IRX3: variants seen among roughly 807,000 people sequenced by gnomAD.
IRX3 encodes iroquois homeobox 3.
In IRX3, 20 loss-of-function variants were observed where a neutral mutation model predicts 36.4. That is an observed-to-expected ratio of 0.55 (90% CI 0.39 to 0.80). The LOEUF (loss-of-function observed/expected upper bound fraction) is 0.80. Ranked by LOEUF, IRX3 falls within the 30% of genes least tolerant of loss-of-function variation. IRX3 has a pLI of 0.00. For synonymous variants in IRX3, 404 were observed against 351.6 expected, an observed-to-expected ratio of 1.15 and a Z score of -1.67; for missense variants, 718 against 733.2, an observed-to-expected ratio of 0.98 and a Z score of 0.24.
Position 54,284,411 on chromosome 16 carries a change from C to A in IRX3, c.1384+86G>T. 6.9e-7 allele frequency: 1 copy of A among 1,440,656 alleles called. No individual in the cohort carries two copies. Among genetic ancestry groups the A allele is most frequent in the South Asian group, 1.5e-5 (1 of 67,300 alleles). 89.2% of individuals were successfully genotyped at this position (1,440,656 alleles called of 1,614,324 possible). A position where few individuals can be genotyped will look rare whatever the true frequency, so the allele number is the denominator to read the frequency against. On this transcript the variant is annotated intron_variant, in intron 2 of 3. Coordinates refer to ENST00000329734, the MANE Select transcript of IRX3 (RefSeq NM_024336.3). The surrounding 1 kb of genome is among the most constrained non-coding windows in gnomAD (Gnocchi z 4.0). ...GGAGTGGAGAGGGACGCGCGCCCTG[C>A]GCCCCCCGGGCCCTGCCCCTCCCGG...
chr16:54,285,275 C>T lies in IRX3; in HGVS notation c.606G>A (p.Glu202=). The T allele has an allele frequency of 6.2e-7, 1 of 1,614,108 alleles. No individual in the cohort carries two copies. The highest frequency in any genetic ancestry group is 8.5e-7 in the Non-Finnish European group (1 of 1,180,024). The change falls in exon 2 of 4, where the codon GAG becomes GAA. Residue 202 remains glutamate (E), a synonymous_variant. Transcript: ENST00000329734. This position sits in a 1 kb window ranked among gnomAD's most constrained non-coding sequence, Gnocchi z 5.7. ...TWAPRSRTDE[E]GNAYGSEREE... ...CGCGCTCGCTCCCATAAGCGTTTCCCTCCTCGTCAGTGCGGCTGCGAGGCG... is the reference window on the plus strand; with the variant it reads ...CGCGCTCGCTCCCATAAGCGTTTCCTTCCTCGTCAGTGCGGCTGCGAGGCG...
Position 54,283,794 on chromosome 16 carries a change from C to A in IRX3, c.1452-54G>T, listed in dbSNP as rs147595780. 4.8e-5 allele frequency: 77 copies of A among 1,601,608 alleles called. No homozygotes were observed. In the African/African-American group the frequency reaches 9.4e-4, roughly 20 times the overall value. ...GAGGTGAGATTCAGGAGCGCAGAGG[C>A]TGCCTAGGGCGGGGAGATCCTACTT... is the stretch of plus-strand genomic sequence containing the variant. On this transcript the variant is annotated intron_variant, in intron 3 of 3. Coordinates refer to ENST00000329734, the MANE Select transcript of IRX3 (RefSeq NM_024336.3). The surrounding 1 kb of genome is among the most constrained non-coding windows in gnomAD (Gnocchi z 4.4).
chr16:54,286,586 C>T lies in IRX3; in HGVS notation c.-536G>A, dbSNP rs1266217098. On this transcript the variant is annotated 5_prime_UTR_variant, in exon 1 of 4. Transcript: ENST00000329734. ...TCCTTTCTCCTCTCCCCTTCTCTTT[C>T]CCTTTCTCACGAGGGCTTTTGCTCT... 1.2e-5 allele frequency: 2 copies of T among 160,834 alleles called. No homozygotes were observed. The highest frequency in any genetic ancestry group is 2.6e-5 in the Non-Finnish European group (2 of 75,778). The allele number at this position is 160,834 out of a possible 1,614,324, so 10.0% of individuals were successfully genotyped here.
At position 54,284,725 on chromosome 16, in the gene IRX3, A is replaced by G; in HGVS notation, c.1156T>C (p.Ser386Pro). 4.9e-6 allele frequency: 7 copies of G among 1,433,106 alleles called. No individual in the cohort carries two copies. The highest frequency in any genetic ancestry group is 6.3e-6 in the Non-Finnish European group (7 of 1,106,166). The allele number at this position is 1,433,106 out of a possible 1,614,324, so 88.8% of individuals were successfully genotyped here. ...GCGGCGGCGGCGGCGGCGGCCGGAG[A>G]GAGCTGCAGGGCGGAAGGCGCGACC... ...AAVAPSALQL[S>P]PAAAAAAAHR... Residue 386 changes from serine to proline, a missense_variant, in exon 2 of 4, where the codon TCT becomes CCT. Transcript: ENST00000329734. The surrounding 1 kb of genome is among the most constrained non-coding windows in gnomAD (Gnocchi z 4.0).
chr16:54,285,993 G>A lies in IRX3; in HGVS notation c.58C>T (p.Pro20Ser). The A allele has an allele frequency of 7.4e-7, 1 of 1,358,082 alleles. No individual in the cohort carries two copies. The highest frequency in any genetic ancestry group is 3.1e-5 in the East Asian group (1 of 31,746). The allele number at this position is 1,358,082 out of a possible 1,614,324, so 84.1% of individuals were successfully genotyped here. A position where few individuals can be genotyped will look rare whatever the true frequency, so the allele number is the denominator to read the frequency against. The change falls in exon 1 of 4, where the codon CCG becomes TCG. Residue 20 changes from proline to serine, a missense_variant. Pro to Ser is a moderately conservative substitution (Grantham distance 74). Coordinates refer to ENST00000329734, the MANE Select transcript of IRX3 (RefSeq NM_024336.3). The surrounding 1 kb of genome is among the most constrained non-coding windows in gnomAD (Gnocchi z 5.7). ...CCGCCGCTGCCGCCAGCGGCCCCCGGGCGCTCGGACGGGTAAAGCGGGCGG... is the reference window on the plus strand; with the variant it reads ...CCGCCGCTGCCGCCAGCGGCCCCCGAGCGCTCGGACGGGTAAAGCGGGCGG... ...YIRPLYPSER[P>S]GAAGGSGGSA...
At position 54,284,546 on chromosome 16, in the gene IRX3, C is replaced by A. The variant is rs377057907; in HGVS notation, c.1335G>T (p.Pro445=). 5 of 1,417,884 alleles carry A rather than the reference C, an allele frequency of 3.5e-6. No homozygotes were observed. Among genetic ancestry groups the A allele is most frequent in the South Asian group, 1.5e-5 (1 of 65,574 alleles). 87.8% of individuals were successfully genotyped at this position (1,417,884 alleles called of 1,614,324 possible). A position where few individuals can be genotyped will look rare whatever the true frequency, so the allele number is the denominator to read the frequency against. Residue 445 remains proline (P), a synonymous_variant, in exon 2 of 4, where the codon CCG becomes CCT. Coordinates refer to ENST00000329734, the MANE Select transcript of IRX3 (RefSeq NM_024336.3). The surrounding 1 kb of genome is among the most constrained non-coding windows in gnomAD (Gnocchi z 4.0). ...GCCGAGCGAAGGCGGCGGCGGCAGC[C>A]GGGTGGCCCGCGGCTCCGGGAAGTC... is the stretch of plus-strand genomic sequence containing the variant. ...LLGLPGAAGH[P]AAAAAFARPA...
rs1250352324 is a variant in IRX3 at position 54,285,898 on chromosome 16, G to T, written c.153C>A (p.Asn51Lys). ...GCGCCCCGTACACGGACGAGAGCAC[G>T]TTGGACAGGGACCCCGAGGCGTTCA... ...SELNASGSLS[N>K]VLSSVYGAPY... The change falls in exon 1 of 4, where the codon AAC becomes AAA. Residue 51 changes from asparagine to lysine, a missense_variant. Transcript: ENST00000329734. The surrounding 1 kb of genome is among the most constrained non-coding windows in gnomAD (Gnocchi z 5.7). 1 of 1,533,168 alleles carries T rather than the reference G, an allele frequency of 6.5e-7. No individual in the cohort carries two copies. Among genetic ancestry groups the T allele is most frequent in the Non-Finnish European group, 8.8e-7 (1 of 1,140,872 alleles). 95.0% of individuals were successfully genotyped at this position (1,533,168 alleles called of 1,614,324 possible).
Position 54,285,951 on chromosome 16 carries a change from C to A in IRX3, c.100G>T (p.Gly34Cys), listed in dbSNP as rs1901326214. 2.1e-6 allele frequency: 3 copies of A among 1,425,814 alleles called. No individual in the cohort carries two copies. Among genetic ancestry groups the A allele is most frequent in the East Asian group, 3.0e-5 (1 of 32,898 alleles). The allele number at this position is 1,425,814 out of a possible 1,614,324, so 88.3% of individuals were successfully genotyped here. ...GGSGGSAGARGGLGAGASELN... is the reference protein window; with the variant it reads ...GGSGGSAGARCGLGAGASELN... Reference sequence around the variant, plus strand: ...TCCGAGGCTCCGGCACCCAGGCCGCCCCGGGCCCCCGCGCTGCCGCCGCTG... The same window carrying A: ...TCCGAGGCTCCGGCACCCAGGCCGCACCGGGCCCCCGCGCTGCCGCCGCTG... The change falls in exon 1 of 4, where the codon GGC becomes TGC. Residue 34 changes from glycine (G) to cysteine (C), a missense_variant. By Grantham distance (159) the Gly-to-Cys change is radical. Coordinates refer to ENST00000329734, the MANE Select transcript of IRX3 (RefSeq NM_024336.3). The surrounding 1 kb of genome is among the most constrained non-coding windows in gnomAD (Gnocchi z 5.7).
At position 54,284,869 on chromosome 16, in the gene IRX3, G is replaced by A; in HGVS notation, c.1012C>T (p.Pro338Ser). 3 of 1,549,810 alleles carry A rather than the reference G, an allele frequency of 1.9e-6. No homozygotes were observed. The highest frequency in any genetic ancestry group is 2.6e-6 in the Non-Finnish European group (3 of 1,149,878). Reference sequence around the variant, plus strand: ...TTCTGCAGGGCGGAGGCGGGGGCTGGTGCGGGAGCGCAGGGGTCCAGGCTC... The same window carrying A: ...TTCTGCAGGGCGGAGGCGGGGGCTGATGCGGGAGCGCAGGGGTCCAGGCTC... ...PVSLDPCAPA[P>S]APASALQKPK... Residue 338 changes from proline to serine, a missense_variant, in exon 2 of 4, where the codon CCA becomes TCA. By Grantham distance (74) the Pro-to-Ser change is moderately conservative (BLOSUM62 -1). Coordinates refer to ENST00000329734, the MANE Select transcript of IRX3 (RefSeq NM_024336.3). This position sits in a 1 kb window ranked among gnomAD's most constrained non-coding sequence, Gnocchi z 4.0.
chr16:54,285,070 C>G lies in IRX3; in HGVS notation c.811G>C (p.Ala271Pro). 6.2e-7 allele frequency: 1 copy of G among 1,613,930 alleles called. No homozygotes were observed. The highest frequency in any genetic ancestry group is 2.2e-5 in the East Asian group (1 of 44,820). ...GAATEPELSLAGAARRDGDLG... is the reference protein window; with the variant it reads ...GAATEPELSLPGAARRDGDLG... ...TCGCCATCCCTGCGCGCCGCCCCAG[C>G]CAGGGACAGCTCAGGCTCGGTGGCC... Residue 271 changes from alanine to proline, a missense_variant, in exon 2 of 4, where the codon GCT becomes CCT. By Grantham distance (27) the Ala-to-Pro change is conservative. Coordinates refer to ENST00000329734, the MANE Select transcript of IRX3 (RefSeq NM_024336.3). This position sits in a 1 kb window ranked among gnomAD's most constrained non-coding sequence, Gnocchi z 5.7.
Position 54,284,218 on chromosome 16 carries a change from C to G in IRX3, c.1451+28G>C. 6.2e-7 allele frequency: 1 copy of G among 1,602,336 alleles called. No individual in the cohort carries two copies. The highest frequency in any genetic ancestry group is 1.7e-4 in the Middle Eastern group (1 of 5,904). On this transcript the variant is annotated intron_variant, in intron 3 of 3. Coordinates refer to ENST00000329734, the MANE Select transcript of IRX3 (RefSeq NM_024336.3). The surrounding 1 kb of genome is among the most constrained non-coding windows in gnomAD (Gnocchi z 4.0). Reference sequence around the variant, plus strand: ...CTCCTTTCCCCGCCAGCCAGTCCCCCTGGCCCCTCAACCTCGGGGTTTCTT... The same window carrying G: ...CTCCTTTCCCCGCCAGCCAGTCCCCGTGGCCCCTCAACCTCGGGGTTTCTT...
At position 54,285,876 on chromosome 16, in the gene IRX3, C is replaced by T. The variant is rs1377950795; in HGVS notation, c.175G>A (p.Ala59Thr). The change falls in exon 1 of 4, where the codon GCG (alanine) becomes ACG (threonine). Residue 59 changes from alanine (A) to threonine (T), a missense_variant. Around this residue, in one of 3 missense-constraint regions of IRX3, gnomAD observed 204 missense variants for 181.4 expected, o/e 1.12. Transcript: ENST00000329734. The surrounding 1 kb of genome is among the most constrained non-coding windows in gnomAD (Gnocchi z 5.7). ...GCCGCAGCGGCCGCGGCGTAGGGCG[C>T]CCCGTACACGGACGAGAGCACGTTG... The part of the protein sequence containing the change: ...LSNVLSSVYG[A>T]PYAAAAAAAA... 1.9e-6 allele frequency: 3 copies of T among 1,540,260 alleles called. No individual in the cohort carries two copies. Among genetic ancestry groups the T allele is most frequent in the Non-Finnish European group, 2.6e-6 (3 of 1,144,660 alleles).
In IRX3 at chr16:54,284,396, G is replaced by A. The variant is rs1171086329; in HGVS notation, c.1385-84C>T. 6.8e-7 allele frequency: 1 copy of A among 1,481,298 alleles called. No homozygotes were observed. Among genetic ancestry groups the A allele is most frequent in the Admixed American group, 2.7e-5 (1 of 36,826 alleles). The allele number at this position is 1,481,298 out of a possible 1,614,324, so 91.8% of individuals were successfully genotyped here. A position where few individuals can be genotyped will look rare whatever the true frequency, so the allele number is the denominator to read the frequency against. Reference sequence around the variant, plus strand: ...GGGCCGCAGAAAGCAGGAGTGGAGAGGGACGCGCGCCCTGCGCCCCCCGGG... The same window carrying A: ...GGGCCGCAGAAAGCAGGAGTGGAGAAGGACGCGCGCCCTGCGCCCCCCGGG... On this transcript the variant is annotated intron_variant, in intron 2 of 3. Coordinates refer to ENST00000329734, the MANE Select transcript of IRX3 (RefSeq NM_024336.3). This position sits in a 1 kb window ranked among gnomAD's most constrained non-coding sequence, Gnocchi z 4.0.
In IRX3 at chr16:54,284,117, C is replaced by T. The variant is rs1332009915; in HGVS notation, c.1451+129G>A. ...GGCGACTGAAAAAGTGACTTTCGTC[C>T]CCTTTTACAAAATGCGTCCCAGCAG... On this transcript the variant is annotated intron_variant, in intron 3 of 3. Transcript: ENST00000329734. The surrounding 1 kb of genome is among the most constrained non-coding windows in gnomAD (Gnocchi z 4.0). 4 of 1,154,010 alleles carry T rather than the reference C, an allele frequency of 3.5e-6. No homozygotes were observed. Among genetic ancestry groups the T allele is most frequent in the Non-Finnish European group, 4.9e-6 (4 of 822,076 alleles). The allele number at this position is 1,154,010 out of a possible 1,614,324, so 71.5% of individuals were successfully genotyped here.
rs1444833877 is a variant in IRX3, at chr16:54,285,161, C to T, written c.720G>A (p.Thr240=). The T allele has an allele frequency of 2.5e-6, 4 of 1,606,600 alleles. No individual in the cohort carries two copies. Among genetic ancestry groups the T allele is most frequent in the South Asian group, 1.1e-5 (1 of 90,216 alleles). ...CGTCGTCAGCCAGGCCCTCGCCCCC[C>T]GTGTCCTCCTCCTCCCCCCCGAGCT... ...EEELGGEEED[T]GGEGLADDDE... The change falls in exon 2 of 4, where the codon ACG becomes ACA. Residue 240 remains threonine (T), a synonymous_variant. Transcript: ENST00000329734. The surrounding 1 kb of genome is among the most constrained non-coding windows in gnomAD (Gnocchi z 5.7).
chr16:54,285,709 G>A lies in IRX3; in HGVS notation c.267+75C>T. 6.8e-7 allele frequency: 1 copy of A among 1,463,382 alleles called. No individual in the cohort carries two copies. The allele number at this position is 1,463,382 out of a possible 1,614,324, so 90.6% of individuals were successfully genotyped here. ...CCCCCTCCTGGCCTGCACCCCTCTAGTCCGGCCCCCGCGCGCTCAGCTCGC... is the reference window on the plus strand; with the variant it reads ...CCCCCTCCTGGCCTGCACCCCTCTAATCCGGCCCCCGCGCGCTCAGCTCGC... On this transcript the variant is annotated intron_variant, in intron 1 of 3. Coordinates refer to ENST00000329734, the MANE Select transcript of IRX3 (RefSeq NM_024336.3). This position sits in a 1 kb window ranked among gnomAD's most constrained non-coding sequence, Gnocchi z 5.7.
Position 54,286,355 on chromosome 16 carries a change from C to A in IRX3, c.-305G>T, listed in dbSNP as rs1045857196. 1.0e-6 allele frequency: 1 copy of A among 988,148 alleles called. No homozygotes were observed. The highest frequency in any genetic ancestry group is 1.2e-6 in the Non-Finnish European group (1 of 831,954). 61.2% of individuals were successfully genotyped at this position (988,148 alleles called of 1,614,324 possible). A position where few individuals can be genotyped will look rare whatever the true frequency, so the allele number is the denominator to read the frequency against. On this transcript the variant is annotated 5_prime_UTR_variant, in exon 1 of 4. Coordinates refer to ENST00000329734, the MANE Select transcript of IRX3 (RefSeq NM_024336.3). ...CTCTCTGCGCCGCGCTCCCTCCTCT[C>A]GGCCGCCGGAGCTGCCTCTGCCCGC...
At position 54,284,782 on chromosome 16, in the gene IRX3, G is replaced by A; in HGVS notation, c.1099C>T (p.Pro367Ser). Reference sequence around the variant, plus strand: ...CCCGGTGGAGACCCCCCCGCGCCGGGAGGCGAGCGGCGCGGGTTGTCCGGG... The same window carrying A: ...CCCGGTGGAGACCCCCCCGCGCCGGAAGGCGAGCGGCGCGGGTTGTCCGGG... ...TSPDNPRRSP[P>S]GAGGSPPGAA... The change falls in exon 2 of 4, where the codon CCC (proline) becomes TCC (serine). Residue 367 changes from proline (P) to serine (S), a missense_variant. This residue lies in a region of IRX3 where 468 missense variants were observed against 462.1 expected (regional missense o/e 1.01). Transcript: ENST00000329734. This position sits in a 1 kb window ranked among gnomAD's most constrained non-coding sequence, Gnocchi z 4.0. 1 of 1,463,158 alleles carries A rather than the reference G, an allele frequency of 6.8e-7. No individual in the cohort carries two copies. Among genetic ancestry groups the A allele is most frequent in the Non-Finnish European group, 8.9e-7 (1 of 1,119,146 alleles). The allele number at this position is 1,463,158 out of a possible 1,614,324, so 90.6% of individuals were successfully genotyped here.
In IRX3 at chr16:54,284,775, G is replaced by C. The variant is rs1212756860; in HGVS notation, c.1106C>G (p.Ala369Gly). ...PDNPRRSPPG[A>G]GGSPPGAAVA... ...CGCTGCCCCCGGTGGAGACCCCCCC[G>C]CGCCGGGAGGCGAGCGGCGCGGGTT... is the stretch of plus-strand genomic sequence containing the variant. Residue 369 changes from alanine (A) to glycine (G), a missense_variant, in exon 2 of 4, where the codon GCG becomes GGG. Physicochemically the swap from Ala to Gly is moderately conservative, Grantham distance 60. Coordinates refer to ENST00000329734, the MANE Select transcript of IRX3 (RefSeq NM_024336.3). The surrounding 1 kb of genome is among the most constrained non-coding windows in gnomAD (Gnocchi z 4.0). 4 of 1,459,614 alleles carry C rather than the reference G, an allele frequency of 2.7e-6. No homozygotes were observed. The highest frequency in any genetic ancestry group is 3.6e-6 in the Non-Finnish European group (4 of 1,118,178). The allele number at this position is 1,459,614 out of a possible 1,614,324, so 90.4% of individuals were successfully genotyped here.
Sources: allele counts gnomAD v4.1 joint callset, GRCh38; gene constraint gnomAD v4.1.1; regional missense constraint gnomAD v4.1.1; non-coding constraint Gnocchi (gnomAD v3.1); transcripts MANE v1.5; gene names NCBI Gene and HGNC (gene_info 2026-07-23, HGNC 2026-07-21).